DPP10: variants seen among roughly 807,000 people sequenced by gnomAD.
DPP10 encodes the protein dipeptidyl peptidase like 10.
In DPP10, 33 loss-of-function variants were observed where a neutral mutation model predicts 120.9. That is an observed-to-expected ratio of 0.27 (90% CI 0.21 to 0.37). The LOEUF (loss-of-function observed/expected upper bound fraction) is 0.37. Among genes scored for constraint, DPP10 ranks in the 10% least tolerant of loss-of-function variants. The pLI, the probability that DPP10 is intolerant of heterozygous loss-of-function variation, is 1.00. For synonymous variants in DPP10, 337 were observed against 326.1 expected, an observed-to-expected ratio of 1.03 and a Z score of -0.36; for missense variants, 816 against 942.8, an observed-to-expected ratio of 0.87 and a Z score of 1.76.
intron 1 of DPP10, chr2:115,161,712 T>G: frequency 2.6e-6 from 1 of 388,280 alleles, no homozygotes. Flanking sequence ...CGCTGCGCTT[T>G]GGGTGGCGGG....
intron 1 of DPP10, among the ~76,000 whole-genome samples, chr2:114,794,214 T>C (rs1683490967): frequency 6.6e-6 from 1 of 152,194 alleles, no homozygotes. Context: ...TTTGTCTAGA[T>C]GTGACTTTTG....
intron 1 of DPP10, among the ~76,000 whole-genome samples, chr2:115,071,565 C>T (rs953097794): frequency 5.3e-5 from 8 of 151,986 alleles, no homozygotes; most frequent in Non-Finnish European, 5.9e-5. Flanking sequence ...TGTCTGGATT[C>T]GGTGATCAGG....
At chr2:114,644,037 C>T (rs1054001475) in intron 1 of DPP10, among the ~76,000 whole-genome samples, 2 of 148,570 alleles carry the variant, frequency 1.3e-5, no homozygotes, top group Non-Finnish European at 1.5e-5. Context: ...CAGGTTCCAG[C>T]GATTCTCCTG....
chr2:114,592,738 A>C (rs1439816409), intron 1 of DPP10, among the ~76,000 whole-genome samples: 2 of 152,196 alleles, frequency 1.3e-5, no homozygotes, highest in Non-Finnish European at 2.9e-5. Context: ...AATTAAAACA[A>C]CAATGAGATA....
At chr2:115,262,518 A>C (rs1020859315) in intron 1 of DPP10, among the ~76,000 whole-genome samples, 5 of 152,178 alleles carry the variant, frequency 3.3e-5, no homozygotes, top group Non-Finnish European at 7.4e-5. Context: ...GCAAATATTG[A>C]TTGTGATATG....
intron 1 of DPP10, among the ~76,000 whole-genome samples, chr2:114,734,332 C>A (rs966629068): frequency 3.3e-5 from 5 of 152,152 alleles, no homozygotes; most frequent in Non-Finnish European, 2.9e-5. Context: ...TGAGAGCTCC[C>A]TCTGCACAAT....
intron 10 of DPP10, among the ~76,000 whole-genome samples, chr2:115,750,711 A>G (rs1678590186): frequency 6.6e-6 from 1 of 152,228 alleles, no homozygotes. Flanking sequence ...CTTAAAAATC[A>G]GTTATTCACC....
intron 1 of DPP10, among the ~76,000 whole-genome samples, chr2:114,931,322 TG>T (rs1289011831): frequency 1.3e-5 from 2 of 152,212 alleles, no homozygotes; most frequent in Non-Finnish European, 2.9e-5. Context: ...CATCTGCATC[TG>T]GGGAGGGCCT....
chr2:115,406,485 A>T (rs1384996489), intron 3 of DPP10, among the ~76,000 whole-genome samples: 1 of 152,194 alleles, frequency 6.6e-6, no homozygotes, highest in African/African-American at 2.4e-5. Context: ...GAGGTGATGG[A>T]TATGGTAACT....
At chr2:114,551,198 T>G (rs565826983) in intron 1 of DPP10, among the ~76,000 whole-genome samples, 217 of 152,308 alleles carry the variant, frequency 1.4e-3, no homozygotes, top group African/African-American at 5.0e-3. Flanking sequence ...CAAATCCACC[T>G]GTCCACTAAG....
At position 115,647,918 on chromosome 2, in the gene DPP10, G is replaced by A. The variant is rs199758906; in HGVS notation, c.442-41769G>A. Among the ~76,000 whole-genome samples the A allele has an allele frequency of 2.2e-4, 33 of 152,254 alleles. No homozygotes were observed. In the East Asian group the frequency reaches 5.0e-3, roughly 23 times the overall value. On this transcript the variant is annotated intron_variant, in intron 5 of 25. Coordinates refer to ENST00000410059, the MANE Select transcript of DPP10 (RefSeq NM_020868.6). ...CACATGAATTTTGGAGGTGATTTAC[G>A]TTCATCGTGAATTTTGGAGGGAGCA...
intron 7 of DPP10, among the ~76,000 whole-genome samples, chr2:115,716,497 T>C (rs1177363209): frequency 1.3e-5 from 2 of 152,166 alleles, no homozygotes; most frequent in East Asian, 1.9e-4. Flanking sequence ...AACTGCCTTT[T>C]ATTGCGGATC....
chr2:115,420,412 G>C (rs1018029016), intron 3 of DPP10, among the ~76,000 whole-genome samples: 1 of 152,176 alleles, frequency 6.6e-6, no homozygotes, highest in Non-Finnish European at 1.5e-5. Context: ...TTATGGATTA[G>C]AGTCCATGTA....
At chr2:115,544,432 A>G (rs967428932) in intron 5 of DPP10, among the ~76,000 whole-genome samples, 4 of 152,098 alleles carry the variant, frequency 2.6e-5, no homozygotes, top group African/African-American at 9.7e-5. Flanking sequence ...AAGTATTCAC[A>G]TCTTACAAAA....
At chr2:115,456,402 T>G (rs549168501) in intron 3 of DPP10, among the ~76,000 whole-genome samples, 2 of 152,138 alleles carry the variant, frequency 1.3e-5, no homozygotes, top group Non-Finnish European at 2.9e-5. Context: ...GACAGTGTGG[T>G]GATTCCTCAA....
At chr2:114,655,581 G>A (rs1351911241) in intron 1 of DPP10, among the ~76,000 whole-genome samples, 1 of 152,156 alleles carries the variant, frequency 6.6e-6, no homozygotes, top group Non-Finnish European at 1.5e-5. Flanking sequence ...GAAGTAAATA[G>A]TGACAGGTGT....
intron 4 of DPP10, among the ~76,000 whole-genome samples, chr2:115,516,829 A>G (rs2901338): frequency 0.56 from 84,315 of 151,890 alleles, 24,950 homozygotes; most frequent in Non-Finnish European, 0.68. Context: ...AACAAAAAAT[A>G]TAAATGGACT....
At position 115,499,482 on chromosome 2, in the gene DPP10, T is replaced by C. The variant is rs755031056; in HGVS notation, c.272-28T>C. 2.3e-5 allele frequency: 36 copies of C among 1,563,028 alleles called. No homozygotes were observed. The Admixed American group carries it at 6.3e-4, about 27-fold the overall frequency. ...CTATATTATCTAGTCAATGTATTTGTCAATTGTGAATGTCTTTGTTGTTGC... is the reference window on the plus strand; with the variant it reads ...CTATATTATCTAGTCAATGTATTTGCCAATTGTGAATGTCTTTGTTGTTGC... On this transcript the variant is annotated intron_variant, in intron 3 of 25. Transcript: ENST00000410059.
rs149928835 is a variant in DPP10 at position 114,877,444 on chromosome 2, T to C, written c.61-431795T>C. On this transcript the variant is annotated intron_variant, in intron 1 of 25. Transcript: ENST00000410059. ...TGGAAGCCATTTCAAGCAGAAAACA[T>C]AGATACTTGAGGCCTCCGGTCCTGC... is the stretch of plus-strand genomic sequence containing the variant. Among the ~76,000 whole-genome samples the C allele has an allele frequency of 2.3e-3, 354 of 152,148 alleles. 2 individuals carry two copies. Among genetic ancestry groups the C allele is most frequent in the African/African-American group, 8.1e-3 (336 of 41,526 alleles).
Sources: gnomAD v4.1 joint callset for allele counts (sites outside exome capture counted in the v4.1 genomes callset) on GRCh38, gnomAD v4.1.1 for gene constraint, MANE v1.5 for transcripts, NCBI Gene and HGNC (gene_info 2026-07-23, HGNC 2026-07-21) for gene names.